Variants in RMDN2 observed in about 807,000 individuals in gnomAD.
RMDN2 encodes the protein regulator of microtubule dynamics 2.
RMDN2 carries 61 observed loss-of-function variants against 52.8 expected under a neutral mutation model. That is an observed-to-expected ratio of 1.16 (90% CI 0.94 to 1.43). The LOEUF (loss-of-function observed/expected upper bound fraction) is 1.43, where lower values mean the gene tolerates loss of function less well. Among genes scored for constraint, RMDN2 ranks in the 40% most tolerant of loss-of-function variants. RMDN2 has a pLI of 0.00. For synonymous variants in RMDN2, 180 were observed against 153.1 expected, an observed-to-expected ratio of 1.18 and a Z score of -1.30; for missense variants, 592 against 475.3, an observed-to-expected ratio of 1.25 and a Z score of -2.28.
Position 37,925,288 on chromosome 2 carries a change from T to G in RMDN2, c.-154T>G, listed in dbSNP as rs1019354708. ...GGCTCCTCCCCCGGCGCCTCCGCTA[T>G]CTGGGTCAGGACGCGACGGCCGCGG... On this transcript the variant is annotated 5_prime_UTR_variant, in exon 1 of 11. Coordinates refer to ENST00000354545, the MANE Select transcript of RMDN2 (RefSeq NM_001170791.3). 2 of 152,258 alleles carry G rather than the reference T, an allele frequency of 1.3e-5. No individual in the cohort carries two copies. The highest frequency in any genetic ancestry group is 3.9e-4 in the East Asian group (2 of 5,178). 9.4% of individuals were successfully genotyped at this position (152,258 alleles called of 1,614,324 possible). A position where few individuals can be genotyped will look rare whatever the true frequency, so the allele number is the denominator to read the frequency against.
At chr2:37,977,846 C>G (rs533195635) in intron 4 of RMDN2, among the ~76,000 whole-genome samples, 1 of 148,664 alleles carries the variant, frequency 6.7e-6, no homozygotes, top group African/African-American at 2.5e-5. Flanking sequence ...ACTGGGCGGC[C>G]GGGCAGAGGG....
intron 10 of RMDN2, among the ~76,000 whole-genome samples, chr2:38,006,098 G>T (rs529677113): frequency 0.015 from 2,333 of 152,176 alleles, 53 homozygotes; most frequent in African/African-American, 0.053. Flanking sequence ...CTGTTTTGGT[G>T]ACTGTAGCCT....
intron 7 of RMDN2, among the ~76,000 whole-genome samples, chr2:37,997,145 C>T (rs1283318199): frequency 6.6e-6 from 1 of 152,160 alleles, no homozygotes; most frequent in Non-Finnish European, 1.5e-5. Context: ...TCTTCTTATC[C>T]AGAGTATTTC....
Position 37,975,218 on chromosome 2 carries a change from G to C in RMDN2, c.634G>C (p.Asp212His), listed in dbSNP as rs752452460. ...LLRDHKEKFRDEIEFMWRFAR... is the reference protein window; with the variant it reads ...LLRDHKEKFRHEIEFMWRFAR... ...CTCCATCTTTTCTTTTCAGTTTAGA[G>C]ATGAAATAGAGTTTATGTGGCGATT... The change falls in exon 4 of 11, where the codon GAT becomes CAT. Residue 212 changes from aspartate (D) to histidine (H), a missense_variant. Physicochemically the swap from Asp to His is moderately conservative, Grantham distance 81 (BLOSUM62 -1). Coordinates refer to ENST00000354545, the MANE Select transcript of RMDN2 (RefSeq NM_001170791.3). The C allele has an allele frequency of 5.7e-6, 9 of 1,586,792 alleles. No individual in the cohort carries two copies. The African/African-American group carries it at 9.4e-5, about 17-fold the overall frequency.
chr2:37,973,473 G>A (rs1463303794), intron 2 of RMDN2, among the ~76,000 whole-genome samples: 3 of 152,206 alleles, frequency 2.0e-5, no homozygotes, highest in Non-Finnish European at 4.4e-5. Flanking sequence ...CCATCAGGGA[G>A]CTTGCATTCT....
intron 10 of RMDN2, chr2:38,029,294 G>A (rs1680006010): frequency 6.6e-6 from 1 of 152,044 alleles, no homozygotes; most frequent in Non-Finnish European, 1.5e-5. Flanking sequence ...TCTGCCTTTG[G>A]GGCCACCTTC....
chr2:37,949,550 T>G (rs1668531693), intron 2 of RMDN2, among the ~76,000 whole-genome samples: 2 of 152,150 alleles, frequency 1.3e-5, no homozygotes, highest in Non-Finnish European at 1.5e-5. Context: ...TCTGCCAGCA[T>G]CCATGATACA....
intron 4 of RMDN2, among the ~76,000 whole-genome samples, chr2:37,977,845 C>T (rs1351292840): frequency 6.6e-6 from 1 of 151,826 alleles, no homozygotes; most frequent in East Asian, 1.9e-4. Flanking sequence ...GACTGGGCGG[C>T]CGGGCAGAGG....
At chr2:37,927,089 A>G (rs774410960) in intron 1 of RMDN2, among the ~76,000 whole-genome samples, 1 of 152,242 alleles carries the variant, frequency 6.6e-6, no homozygotes, top group Non-Finnish European at 1.5e-5. Flanking sequence ...AAACTCAAAC[A>G]TAGCTTGAAC....
chr2:37,973,983 G>A, intron 2 of RMDN2, 57 bp from the exon 3 acceptor site: 1 of 1,348,114 alleles, frequency 7.4e-7, no homozygotes, highest in Admixed American at 1.9e-5. Flanking sequence ...TAAAAGGAAT[G>A]CTCTGGCTAT....
rs777061539 is a variant in RMDN2 at position 38,017,213 on chromosome 2, A to G, written c.1207A>G (p.Lys403Glu). Reference sequence around the variant, plus strand: ...TAAAGAGGCACAGAAAGAGATGCAAAAAATAATGACTTCCTTGAAGAGGTA... The same window carrying G: ...TAAAGAGGCACAGAAAGAGATGCAAGAAATAATGACTTCCTTGAAGAGGTA... ...EDKEAQKEMQ[K>E]IMTSLKR The change falls in exon 11 of 11, where the codon AAA becomes GAA. Residue 403 changes from lysine (K) to glutamate (E), a missense_variant. Transcript: ENST00000354545. The G allele has an allele frequency of 1.3e-6, 2 of 1,534,824 alleles. No homozygotes were observed. The highest frequency in any genetic ancestry group is 2.5e-5 in the South Asian group (2 of 81,096).
At chr2:37,995,322 GACT>G (rs3056282) in intron 7 of RMDN2, among the ~76,000 whole-genome samples, 3,744 of 147,148 alleles carry the variant, frequency 0.025, 55 homozygotes, top group Non-Finnish European at 0.032. Context: ...AAGAGGGGAT[GACT>G]ACTACTACTA....
In RMDN2 at chr2:38,004,020, T is replaced by A. The variant is rs774292888; in HGVS notation, c.1074T>A (p.Asn358Lys). The change falls in exon 9 of 11, where the codon AAT becomes AAA. Residue 358 changes from asparagine to lysine, a missense_variant. Asn to Lys is a moderately conservative substitution (Grantham distance 94). Coordinates refer to ENST00000354545, the MANE Select transcript of RMDN2 (RefSeq NM_001170791.3). ...KAEELCPGYS[N>K]PNYMYLAKCY... ...AAGAACTATGCCCTGGTTATTCTAA[T>A]CCCAATTACATGTACTTAGCAAAGG... The A allele has an allele frequency of 6.2e-6, 10 of 1,613,416 alleles. No individual in the cohort carries two copies. Among genetic ancestry groups the A allele is most frequent in the Non-Finnish European group, 8.5e-6 (10 of 1,179,486 alleles).
At chr2:38,055,721 T>C (rs1052904398) in intron 10 of RMDN2, among the ~76,000 whole-genome samples, 2 of 152,104 alleles carry the variant, frequency 1.3e-5, no homozygotes, top group Non-Finnish European at 2.9e-5. Context: ...GTGTGTGTCT[T>C]TTAAAGAACA....
At chr2:37,985,627 T>A (rs748256637) in intron 5 of RMDN2, among the ~76,000 whole-genome samples, 2 of 152,160 alleles carry the variant, frequency 1.3e-5, no homozygotes, top group African/African-American at 2.4e-5. Context: ...GTGTGTTCAG[T>A]AATTTTGTTG....
intron 2 of RMDN2, among the ~76,000 whole-genome samples, chr2:37,941,326 G>C (rs563259416): frequency 6.6e-6 from 1 of 152,332 alleles, no homozygotes; most frequent in East Asian, 1.9e-4. Context: ...CGAGATGTCT[G>C]TTGACCCCTG....
At chr2:37,922,764 G>A (rs1469197206), upstream of RMDN2, among the ~76,000 whole-genome samples, 3 of 152,232 alleles carry the variant, frequency 2.0e-5, no homozygotes, top group African/African-American at 7.2e-5. Flanking sequence ...GGGAAGGAGA[G>A]AGTGTGTAGC....
At chr2:38,031,893 A>G (rs944941178) in intron 10 of RMDN2, among the ~76,000 whole-genome samples, 10 of 152,168 alleles carry the variant, frequency 6.6e-5, no homozygotes, top group African/African-American at 1.9e-4. Context: ...TTTCTTGCCC[A>G]AAGAAGGAGC....
intron 5 of RMDN2, among the ~76,000 whole-genome samples, chr2:37,985,551 A>C (rs1308870984): frequency 1.3e-5 from 2 of 152,154 alleles, no homozygotes; most frequent in East Asian, 3.8e-4. Context: ...TTTGAGGCTC[A>C]GTTATGCAAC....
Sources: allele counts gnomAD v4.1 joint callset (sites outside exome capture counted in the v4.1 genomes callset), GRCh38; gene constraint gnomAD v4.1.1; transcripts MANE v1.5; gene names NCBI Gene and HGNC (gene_info 2026-07-23, HGNC 2026-07-21).